COL22A1: variants seen among roughly 807,000 people sequenced by gnomAD.
COL22A1 encodes collagen type XXII alpha 1 chain.
A neutral mutation model predicts 248.9 loss-of-function variants in COL22A1; 221 were observed. That is an observed-to-expected ratio of 0.89 (90% CI 0.80 to 0.99). The LOEUF (loss-of-function observed/expected upper bound fraction) is 0.99, where lower values mean the gene tolerates loss of function less well. Among genes scored for constraint, COL22A1 ranks in the 50% least tolerant of loss-of-function variants. The probability of loss-of-function intolerance (pLI) is 0.00; values close to 1 mark genes in which losing one functional copy is unlikely to be tolerated. For synonymous variants in COL22A1, 891 were observed against 793.4 expected (o/e 1.12, Z -2.07); for missense variants, 2,240 against 2,179.0 (o/e 1.03, Z -0.56).
At chr8:138,734,456 A>C (rs1435284203) in intron 23 of COL22A1, among the ~76,000 whole-genome samples, 1 of 152,252 alleles carries the variant, frequency 6.6e-6, no homozygotes, top group African/African-American at 2.4e-5. Flanking sequence ...AACAGAGGCC[A>C]GGCCCAGGCA....
At position 138,622,977 on chromosome 8, in the gene COL22A1, C is replaced by T. The variant is rs527581329; in HGVS notation, c.3771+755G>A. 3.4e-4 allele frequency among the ~76,000 whole-genome samples: 52 copies of T among 151,888 alleles called. 2 individuals are homozygous for T. Among genetic ancestry groups the T allele is most frequent in the Admixed American group, 1.9e-3 (29 of 15,252 alleles). On this transcript the variant is annotated intron_variant, in intron 52 of 64. Coordinates refer to ENST00000303045, the MANE Select transcript of COL22A1 (RefSeq NM_152888.3). ...GGAAGACCTAAGAGGTGCTAGGAAC[C>T]GATGAATCATCATGATGAATCTCTG...
At chr8:138,838,359 G>A (rs1820594910) in intron 4 of COL22A1, among the ~76,000 whole-genome samples, 1 of 152,036 alleles carries the variant, frequency 6.6e-6, no homozygotes, top group Non-Finnish European at 1.5e-5. Context: ...AGTGAGGAGA[G>A]CCTAAGAGCT....
At chr8:138,842,844 T>A (rs1285358546) in intron 4 of COL22A1, among the ~76,000 whole-genome samples, 1 of 152,158 alleles carries the variant, frequency 6.6e-6, no homozygotes, top group African/African-American at 2.4e-5. Flanking sequence ...ACGCAGCAGG[T>A]GCCCCACCTC....
At chr8:138,618,388 A>G (rs557145873) in intron 53 of COL22A1, among the ~76,000 whole-genome samples, 3 of 151,988 alleles carry the variant, frequency 2.0e-5, no homozygotes, top group African/African-American at 7.2e-5. Flanking sequence ...TTTCATTACA[A>G]CTCCCAGTTG....
chr8:138,731,009 A>T (rs1287305190), intron 23 of COL22A1, among the ~76,000 whole-genome samples: 3 of 152,180 alleles, frequency 2.0e-5, no homozygotes, highest in African/African-American at 7.2e-5. Context: ...GCTTAGAAAG[A>T]CACATTTCTA....
chr8:138,873,618 G>A (rs552624040), intron 3 of COL22A1, among the ~76,000 whole-genome samples: 1 of 152,300 alleles, frequency 6.6e-6, no homozygotes, highest in South Asian at 2.1e-4. Flanking sequence ...TTGTGTAATT[G>A]TCTGCCATTT....
chr8:138,834,718 G>A (rs1250518000), intron 4 of COL22A1, among the ~76,000 whole-genome samples: 1 of 152,176 alleles, frequency 6.6e-6, no homozygotes. Context: ...TACAGTACCT[G>A]ACATACAGTA....
At chr8:138,893,634 C>A (rs1280698750) in intron 1 of COL22A1, among the ~76,000 whole-genome samples, 1 of 152,154 alleles carries the variant, frequency 6.6e-6, no homozygotes. Context: ...ATTTCCATTA[C>A]TGTAAAAATT....
At chr8:138,904,338 C>CCA (rs144098080) in intron 1 of COL22A1, among the ~76,000 whole-genome samples, 1 of 151,924 alleles carries the variant, frequency 6.6e-6, no homozygotes, top group Non-Finnish European at 1.5e-5. Flanking sequence ...CAGAGACACC[C>CCA]CACACACACA....
chr8:138,660,960 ACACG>A (rs1217766863), intron 43 of COL22A1, among the ~76,000 whole-genome samples: 2 of 74,128 alleles, frequency 2.7e-5, no homozygotes, highest in African/African-American at 3.8e-5. Context: ...ACACAGACAC[ACACG>A]CACACACACA....
rs370780966 is a variant in COL22A1 at position 138,903,955 on chromosome 8, CA to C, written c.-73+9663del. The stretch of plus-strand genomic sequence containing the variant: ...CCTGATGCACACTGGATCCCGAGAA[CA>C]AGATAAGATGCTTCCCTGGAGCCCC... On this transcript the variant is annotated intron_variant, in intron 1 of 64. Transcript: ENST00000303045. Among the ~76,000 whole-genome samples the C allele has an allele frequency of 1.8e-3, 273 of 152,268 alleles. 8 individuals are homozygous for C. The South Asian group carries it at 0.048, about 27-fold the overall frequency.
intron 25 of COL22A1, among the ~76,000 whole-genome samples, chr8:138,724,127 C>T (rs1447333487): frequency 2.0e-5 from 3 of 152,206 alleles, no homozygotes; most frequent in Admixed American, 1.3e-4. Context: ...TAACTGTGCC[C>T]CTCCTATCTG....
chr8:138,906,197 C>T (rs930321999), intron 1 of COL22A1, among the ~76,000 whole-genome samples: 2 of 152,050 alleles, frequency 1.3e-5, no homozygotes, highest in African/African-American at 2.4e-5. Context: ...GGTGAAACCC[C>T]GTCTCTACTA....
chr8:138,612,808 C>A (rs1818975674), intron 56 of COL22A1, among the ~76,000 whole-genome samples: 1 of 151,886 alleles, frequency 6.6e-6, no homozygotes, highest in Admixed American at 6.6e-5. Flanking sequence ...TGGTGGCACG[C>A]ACCTGTAATC....
At chr8:138,808,887 C>G (rs1055795362) in intron 9 of COL22A1, among the ~76,000 whole-genome samples, 1 of 152,234 alleles carries the variant, frequency 6.6e-6, no homozygotes, top group African/African-American at 2.4e-5. Flanking sequence ...ACAGTTCACT[C>G]TCCCCATGAT....
intron 49 of COL22A1, among the ~76,000 whole-genome samples, chr8:138,634,232 ACTT>A (rs1439293207): frequency 6.6e-6 from 1 of 152,108 alleles, no homozygotes; most frequent in African/African-American, 2.4e-5. Context: ...TCCTAACTGA[ACTT>A]CTTTTCACTA....
chr8:138,849,072 C>T (rs1008141455), intron 3 of COL22A1, among the ~76,000 whole-genome samples: 2 of 152,156 alleles, frequency 1.3e-5, no homozygotes, highest in East Asian at 1.9e-4. Context: ...TCCGCTGCTC[C>T]GAGGCCAGCC....
At chr8:138,796,183 C>T (rs1816504478) in intron 12 of COL22A1, among the ~76,000 whole-genome samples, 1 of 151,882 alleles carries the variant, frequency 6.6e-6, no homozygotes, top group Non-Finnish European at 1.5e-5. Context: ...AGAGTAATTT[C>T]TTCTTTAGGA....
chr8:138,673,201 C>G (rs1278286686), intron 41 of COL22A1, among the ~76,000 whole-genome samples: 1 of 143,590 alleles, frequency 7.0e-6, no homozygotes, highest in Non-Finnish European at 1.5e-5. Context: ...AACTTACTTA[C>G]AGCCGATCTA....
Sources: gnomAD v4.1 joint callset for allele counts (sites outside exome capture counted in the v4.1 genomes callset) on GRCh38, gnomAD v4.1.1 for gene constraint, MANE v1.5 for transcripts, NCBI Gene and HGNC (gene_info 2026-07-23, HGNC 2026-07-21) for gene names.